Variants in NRXN1 observed in about 807,000 individuals in gnomAD.
NRXN1 encodes the protein neurexin-1.
Under a neutral mutation model 150.9 loss-of-function variants are expected in NRXN1, and 39 were observed. That is an observed-to-expected ratio of 0.26 (90% CI 0.20 to 0.34). NRXN1 has a LOEUF of 0.34. Among genes scored for constraint, NRXN1 ranks in the 10% least tolerant of loss-of-function variants. The probability of loss-of-function intolerance (pLI) is 1.00; values close to 1 mark genes in which losing one functional copy is unlikely to be tolerated. For synonymous variants in NRXN1, 924 were observed against 757.0 expected, an observed-to-expected ratio of 1.22 and a Z score of -3.62; for missense variants, 1,815 against 1,949.9, an observed-to-expected ratio of 0.93 and a Z score of 1.30.
chr2:50,285,094 T>C (rs989237471), intron 17 of NRXN1, among the ~76,000 whole-genome samples: 11 of 152,286 alleles, frequency 7.2e-5, no homozygotes, highest in African/African-American at 2.6e-4. Context: ...GTTGTAGTTG[T>C]AGTGGGTTAA....
At chr2:50,901,899 G>T (rs1005015414) in intron 5 of NRXN1, among the ~76,000 whole-genome samples, 3 of 152,106 alleles carry the variant, frequency 2.0e-5, no homozygotes, top group South Asian at 4.1e-4. Flanking sequence ...ATTGCAACAC[G>T]CATGGCGAAT....
intron 5 of NRXN1, among the ~76,000 whole-genome samples, chr2:50,682,107 G>C (rs1254933600): frequency 6.6e-6 from 1 of 152,114 alleles, no homozygotes; most frequent in Non-Finnish European, 1.5e-5. Flanking sequence ...TTGTAAGTTA[G>C]TGCCTACTAC....
chr2:50,822,072 G>T (rs1006505493), intron 5 of NRXN1, among the ~76,000 whole-genome samples: 9 of 152,054 alleles, frequency 5.9e-5, no homozygotes, highest in Non-Finnish European at 1.0e-4. Context: ...TTGTATTTAA[G>T]TGATAGTCTA....
intron 19 of NRXN1, among the ~76,000 whole-genome samples, chr2:50,086,341 C>T (rs1265377111): frequency 6.6e-6 from 1 of 152,070 alleles, no homozygotes; most frequent in Non-Finnish European, 1.5e-5. Flanking sequence ...AATATGACTT[C>T]CTGAGCCCTG....
chr2:49,971,136 C>CT (rs1355309914), intron 21 of NRXN1, among the ~76,000 whole-genome samples: 2 of 151,988 alleles, frequency 1.3e-5, no homozygotes, highest in Admixed American at 6.6e-5. Flanking sequence ...TGGCTACATG[C>CT]TTTTTTCCCA....
chr2:50,288,552 T>C (rs1379776550), intron 17 of NRXN1, among the ~76,000 whole-genome samples: 1 of 152,168 alleles, frequency 6.6e-6, no homozygotes, highest in East Asian at 1.9e-4. Context: ...AGAGGTTTAA[T>C]TGAATCACAG....
chr2:50,689,956 G>C lies in NRXN1; in HGVS notation c.833-66341C>G, dbSNP rs529045269. 1.7e-3 allele frequency among the ~76,000 whole-genome samples: 257 copies of C among 149,642 alleles called. 1 individual carries two copies. Among genetic ancestry groups the C allele is most frequent in the African/African-American group, 6.1e-3 (247 of 40,740 alleles). Reference sequence around the variant, plus strand: ...GGCTGCAGTGCAATGGTGCGATCTCGGCTCACTGCAACCTCTGCCTCTGGG... The same window carrying C: ...GGCTGCAGTGCAATGGTGCGATCTCCGCTCACTGCAACCTCTGCCTCTGGG... On this transcript the variant is annotated intron_variant, in intron 5 of 22. Transcript: ENST00000401669.
chr2:50,219,862 T>G (rs1158013190), intron 18 of NRXN1, among the ~76,000 whole-genome samples: 1 of 141,760 alleles, frequency 7.1e-6, no homozygotes. Flanking sequence ...TGTACTCTAA[T>G]GAGACCTTGT....
chr2:50,439,437 T>TTA (rs2085727483), intron 17 of NRXN1, among the ~76,000 whole-genome samples: 1 of 152,192 alleles, frequency 6.6e-6, no homozygotes, highest in Non-Finnish European at 1.5e-5. Context: ...AAAGACAGTG[T>TTA]TATACATGCA....
At chr2:49,994,980 A>G (rs1162128789) in intron 21 of NRXN1, among the ~76,000 whole-genome samples, 1 of 152,160 alleles carries the variant, frequency 6.6e-6, no homozygotes, top group East Asian at 1.9e-4. Context: ...TGTAGTTCTC[A>G]TAATTTCACC....
chr2:51,030,278 C>G (rs1406907876), intron 1 of NRXN1, among the ~76,000 whole-genome samples: 1 of 152,066 alleles, frequency 6.6e-6, no homozygotes, highest in Non-Finnish European at 1.5e-5. Flanking sequence ...ACCATACACA[C>G]ATGCACACAC....
chr2:50,288,599 A>C lies in NRXN1; in HGVS notation c.3365-51629T>G, dbSNP rs564226350. ...TGGTGAGGCCTCACAATCATGGCAG[A>C]AGGTGAATGAGGAGCAAAATCACAT... is the stretch of plus-strand genomic sequence containing the variant. On this transcript the variant is annotated intron_variant, in intron 17 of 22. Coordinates refer to ENST00000401669, the MANE Select transcript of NRXN1 (RefSeq NM_001330078.2). Among the ~76,000 whole-genome samples the C allele has an allele frequency of 5.3e-5, 8 of 152,316 alleles. 1 individual carries two copies. In the East Asian group the frequency reaches 1.5e-3, roughly 29 times the overall value.
intron 21 of NRXN1, among the ~76,000 whole-genome samples, chr2:49,968,385 AT>A (rs1266608672): frequency 6.6e-6 from 1 of 152,086 alleles, no homozygotes. Flanking sequence ...AAAAAGTTGC[AT>A]CCATTTTGCA....
chr2:50,107,929 T>A (rs1701898588), intron 18 of NRXN1, among the ~76,000 whole-genome samples: 1 of 151,808 alleles, frequency 6.6e-6, no homozygotes, highest in Non-Finnish European at 1.5e-5. Flanking sequence ...ACAGATGCCA[T>A]TATTACCTTC....
chr2:50,570,691 T>A (rs1670539908), intron 8 of NRXN1, among the ~76,000 whole-genome samples: 1 of 152,088 alleles, frequency 6.6e-6, no homozygotes, highest in African/African-American at 2.4e-5. Context: ...CCATCCAGAC[T>A]GGAGGAAAAC....
intron 18 of NRXN1, among the ~76,000 whole-genome samples, chr2:50,098,816 T>C (rs1180007058): frequency 2.9e-5 from 4 of 139,580 alleles, no homozygotes; most frequent in Non-Finnish European, 4.6e-5. Flanking sequence ...TGCATGGTTT[T>C]GTTTTTGGTT....
intron 10 of NRXN1, among the ~76,000 whole-genome samples, chr2:50,533,051 T>C (rs1214907692): frequency 6.6e-6 from 1 of 152,230 alleles, no homozygotes; most frequent in Non-Finnish European, 1.5e-5. Flanking sequence ...TTTGTAAGTT[T>C]ATTTTTCAGA....
At chr2:50,991,808 C>A (rs551797732) in intron 2 of NRXN1, among the ~76,000 whole-genome samples, 1 of 151,966 alleles carries the variant, frequency 6.6e-6, no homozygotes, top group Non-Finnish European at 1.5e-5. Context: ...TAAAAGGCAA[C>A]GATGCAATAC....
chr2:50,821,453 G>A (rs1207759900), intron 5 of NRXN1, among the ~76,000 whole-genome samples: 1 of 152,114 alleles, frequency 6.6e-6, no homozygotes, highest in African/African-American at 2.4e-5. Context: ...TAACTCCTAT[G>A]TGCTTAAATC....
Sources: gnomAD v4.1 joint callset for allele counts (sites outside exome capture counted in the v4.1 genomes callset) on GRCh38, gnomAD v4.1.1 for gene constraint, MANE v1.5 for transcripts, NCBI Gene and HGNC (gene_info 2026-07-23, HGNC 2026-07-21) for gene names.